PCCB: variants seen among roughly 807,000 people sequenced by gnomAD.
PCCB encodes propionyl-CoA carboxylase beta chain, mitochondrial.
PCCB carries 43 observed loss-of-function variants against 60.7 expected under a neutral mutation model. The ratio of observed to expected loss-of-function variants is 0.71; its 90% CI spans 0.55 to 0.91. The LOEUF is 0.91. Among genes scored for constraint, PCCB ranks in the 40% least tolerant of loss-of-function variants. The probability of loss-of-function intolerance (pLI) is 0.00; values close to 1 mark genes in which losing one functional copy is unlikely to be tolerated. For missense variants in PCCB, 766 were observed against 702.8 expected (o/e 1.09, Z -1.02); for synonymous variants, 276 against 255.9 (o/e 1.08, Z -0.75).
intron 6 of PCCB, among the ~76,000 whole-genome samples, chr3:136,290,912 CTT>C (rs933380940): frequency 2.0e-5 from 3 of 150,686 alleles, no homozygotes; most frequent in Non-Finnish European, 4.4e-5. Flanking sequence ...ATTTTTTTCT[CTT>C]CGCTTTTCAA....
chr3:136,287,596 G>A (rs771851794), intron 6 of PCCB, among the ~76,000 whole-genome samples: 6 of 151,822 alleles, frequency 4.0e-5, no homozygotes, highest in East Asian at 1.9e-4. Flanking sequence ...CCACACACCC[G>A]GCTAATTTTT....
intron 8 of PCCB, among the ~76,000 whole-genome samples, chr3:136,299,372 A>G (rs1934094144): frequency 6.6e-6 from 1 of 151,986 alleles, no homozygotes; most frequent in Non-Finnish European, 1.5e-5. Flanking sequence ...ATGCATAGGT[A>G]TATATGCATA....
At chr3:136,318,394 A>T (rs1472986576) in intron 10 of PCCB, among the ~76,000 whole-genome samples, 1 of 152,120 alleles carries the variant, frequency 6.6e-6, no homozygotes, top group Non-Finnish European at 1.5e-5. Context: ...CAAAAAAAAA[A>T]TTTTGTCATG....
At chr3:136,255,801 T>C in intron 1 of PCCB, 55 bp from the exon 2 acceptor site, 1 of 1,529,062 alleles carries the variant, frequency 6.5e-7, no homozygotes, top group Non-Finnish European at 9.1e-7. Flanking sequence ...AGCCCTTGCT[T>C]TGCTTACTAA....
At chr3:136,316,815 G>A in intron 9 of PCCB, 126 bp from the exon 10 acceptor site, 1 of 1,088,192 alleles carries the variant, frequency 9.2e-7, no homozygotes, top group Admixed American at 1.8e-5. Flanking sequence ...TGGAGAACCT[G>A]TGATAGAGCT....
rs536966000 is a variant in PCCB, at chr3:136,312,387, A to G, written c.967-4554A>G. On this transcript the variant is annotated intron_variant, in intron 9 of 14. Transcript: ENST00000251654. ...GTATGTATCTAAACATAAAAAGGGT[A>G]CAGTAAAAATAGGGTATTACAATAG... 1.1e-4 allele frequency among the ~76,000 whole-genome samples: 16 copies of G among 152,338 alleles called. No individual in the cohort carries two copies. The South Asian group carries it at 2.9e-3, about 28-fold the overall frequency.
intron 8 of PCCB, among the ~76,000 whole-genome samples, chr3:136,298,582 A>C (rs1560018164): frequency 6.6e-6 from 1 of 152,196 alleles, no homozygotes; most frequent in African/African-American, 2.4e-5. Context: ...CCTTTAGGAA[A>C]CATGTTTATG....
At chr3:136,297,491 C>T (rs1000710033) in intron 7 of PCCB, among the ~76,000 whole-genome samples, 3 of 152,140 alleles carry the variant, frequency 2.0e-5, no homozygotes, top group Non-Finnish European at 4.4e-5. Flanking sequence ...TCCACTGTTG[C>T]TGTGCACCTG....
chr3:136,326,933 G>T (rs1935334694), intron 11 of PCCB, 23 bp downstream of exon 11: 2 of 1,477,708 alleles, frequency 1.4e-6, no homozygotes, highest in African/African-American at 1.4e-5. Context: ...CAGAGTGGGG[G>T]CTAGGAGAGT....
intron 8 of PCCB, 78 bp from the exon 9 acceptor site, chr3:136,300,952 T>A: frequency 9.5e-7 from 1 of 1,055,272 alleles, no homozygotes; most frequent in Non-Finnish European, 1.5e-6. Flanking sequence ...GTCACCCCAT[T>A]TCCTTTCCCA....
intron 6 of PCCB, among the ~76,000 whole-genome samples, chr3:136,285,380 C>T (rs779711729): frequency 3.9e-5 from 6 of 151,998 alleles, no homozygotes; most frequent in Non-Finnish European, 7.4e-5. Context: ...TCAGTCTGTC[C>T]GTTGGTACTA....
chr3:136,272,010 C>A (rs1481753220), intron 5 of PCCB, among the ~76,000 whole-genome samples: 1 of 152,098 alleles, frequency 6.6e-6, no homozygotes, highest in African/African-American at 2.4e-5. Context: ...TCATATATTG[C>A]TTTTACTATT....
chr3:136,322,433 TTGTC>T (rs1263087147), intron 10 of PCCB, among the ~76,000 whole-genome samples: 3 of 152,192 alleles, frequency 2.0e-5, no homozygotes, highest in Non-Finnish European at 4.4e-5. Context: ...TGCAATGTCT[TTGTC>T]TGGTTTTGGT....
intron 10 of PCCB, among the ~76,000 whole-genome samples, chr3:136,322,123 G>T (rs1935131447): frequency 6.6e-6 from 1 of 152,160 alleles, no homozygotes; most frequent in South Asian, 2.1e-4. Flanking sequence ...TCTTTATAAA[G>T]TTGAAGAAAT....
chr3:136,256,109 A>C, intron 2 of PCCB, 134 bp downstream of exon 2: 1 of 1,330,388 alleles, frequency 7.5e-7, no homozygotes, highest in Non-Finnish European at 1.0e-6. Flanking sequence ...AGCCCAGATA[A>C]TTTTTGTATT....
At chr3:136,299,939 CGCATAT>C (rs1379860086) in intron 8 of PCCB, among the ~76,000 whole-genome samples, 1 of 151,448 alleles carries the variant, frequency 6.6e-6, no homozygotes, top group Admixed American at 6.6e-5. Context: ...TATATGTATA[CGCATAT>C]GCATACATAT....
rs149368397 is a variant in PCCB, at chr3:136,255,785, A to G, written c.184-71A>G. ...GCAAATCTGCCCTTCAAGCCCTCCC[A>G]TGAACAGCCCTTGCTTTGCTTACTA... On this transcript the variant is annotated intron_variant, in intron 1 of 14. Transcript: ENST00000251654. The G allele has an allele frequency of 1.4e-4, 203 of 1,413,298 alleles. No individual in the cohort carries two copies. In the African/African-American group the frequency reaches 2.5e-3, roughly 18 times the overall value. 87.5% of individuals were successfully genotyped at this position (1,413,298 alleles called of 1,614,324 possible).
intron 6 of PCCB, among the ~76,000 whole-genome samples, chr3:136,290,710 T>G (rs1933647896): frequency 6.9e-6 from 1 of 144,646 alleles, no homozygotes; most frequent in Non-Finnish European, 1.5e-5. Flanking sequence ...TGCTTGATGG[T>G]CTCTGAGTTT....
intron 14 of PCCB, among the ~76,000 whole-genome samples, chr3:136,329,348 C>G (rs1287676140): frequency 2.6e-5 from 4 of 152,180 alleles, no homozygotes; most frequent in Non-Finnish European, 2.9e-5. Flanking sequence ...CACGTGGCCT[C>G]TCACCCTTGA....
Sources: allele counts gnomAD v4.1 joint callset (sites outside exome capture counted in the v4.1 genomes callset), GRCh38; gene constraint gnomAD v4.1.1; transcripts MANE v1.5; gene names NCBI Gene and HGNC (gene_info 2026-07-23, HGNC 2026-07-21).